MAGI1: variants seen among roughly 807,000 people sequenced by gnomAD.
The protein encoded by MAGI1 is membrane associated guanylate kinase, WW and PDZ domain containing 1, also known as membrane-associated guanylate kinase, WW and PDZ domain-containing protein 1.
MAGI1 carries 58 observed loss-of-function variants against 139.9 expected under a neutral mutation model. The observed-to-expected ratio is 0.41, with a 90% CI of 0.34 to 0.52. MAGI1 has a LOEUF of 0.52. Ranked by LOEUF, MAGI1 falls within the 20% of genes least tolerant of loss-of-function variation. The probability of loss-of-function intolerance (pLI) is 0.12; values close to 1 mark genes in which losing one functional copy is unlikely to be tolerated. For synonymous variants in MAGI1, 812 were observed against 737.9 expected (o/e 1.10, Z -1.63); for missense variants, 1,874 against 1,901.6 (o/e 0.99, Z 0.27).
intron 2 of MAGI1, among the ~76,000 whole-genome samples, chr3:65,539,381 C>T (rs72499064): frequency 6.6e-6 from 1 of 152,138 alleles, no homozygotes; most frequent in South Asian, 2.1e-4. Flanking sequence ...CAGACACATA[C>T]CAACTACCAT....
chr3:65,786,042 G>A (rs1426363836), intron 1 of MAGI1, among the ~76,000 whole-genome samples: 1 of 150,864 alleles, frequency 6.6e-6, no homozygotes, highest in Admixed American at 6.6e-5. Flanking sequence ...TGCAACCTCT[G>A]CCTCCTGGAT....
chr3:65,439,751 T>A, intron 9 of MAGI1, 128 bp downstream of exon 9: 1 of 1,541,350 alleles, frequency 6.5e-7, no homozygotes, highest in South Asian at 1.2e-5. Flanking sequence ...CCACAGGACA[T>A]CAGCTCTTCA....
chr3:65,462,628 A>C (rs1199466091), intron 5 of MAGI1, among the ~76,000 whole-genome samples: 2 of 152,190 alleles, frequency 1.3e-5, no homozygotes, highest in African/African-American at 4.8e-5. Context: ...TATGAAATTT[A>C]AAGTAGTTTT....
intron 1 of MAGI1, among the ~76,000 whole-genome samples, chr3:65,825,189 G>C (rs2042157192): frequency 1.3e-5 from 2 of 152,202 alleles, no homozygotes; most frequent in Admixed American, 6.5e-5. Flanking sequence ...ATGAAAAGAA[G>C]AGAGCTTATA....
chr3:65,725,591 G>A (rs9868099), intron 1 of MAGI1, among the ~76,000 whole-genome samples: 51,538 of 151,990 alleles, frequency 0.34, 9,874 homozygotes, highest in African/African-American at 0.5. Flanking sequence ...GTAGGCATGT[G>A]GACTCACCTT....
chr3:65,878,772 C>T (rs761585240), intron 1 of MAGI1, among the ~76,000 whole-genome samples: 1 of 152,124 alleles, frequency 6.6e-6, no homozygotes, highest in East Asian at 1.9e-4. Flanking sequence ...TAGCCCAGGG[C>T]CCTGCTCCTG....
intron 1 of MAGI1, among the ~76,000 whole-genome samples, chr3:65,752,029 ACTTCCCAGGCTCAAGC>A (rs1252383340): frequency 2.0e-5 from 3 of 152,110 alleles, no homozygotes; most frequent in Non-Finnish European, 2.9e-5. Context: ...TGCAGCCTTG[ACTTCCCAGGCTCAAGC>A]CATCATCCCG....
chr3:65,598,258 T>C (rs1296874033), intron 2 of MAGI1, among the ~76,000 whole-genome samples: 1 of 152,120 alleles, frequency 6.6e-6, no homozygotes, highest in Non-Finnish European at 1.5e-5. Context: ...CTCTCCCTGC[T>C]GGGGCGTGTC....
chr3:65,970,533 A>G (rs994195290), intron 1 of MAGI1, among the ~76,000 whole-genome samples: 1 of 152,164 alleles, frequency 6.6e-6, no homozygotes, highest in Non-Finnish European at 1.5e-5. Context: ...AAAAAAAAAA[A>G]AAAAGAATCA....
chr3:65,459,516 G>A (rs970562877), intron 5 of MAGI1, among the ~76,000 whole-genome samples: 21 of 152,162 alleles, frequency 1.4e-4, no homozygotes, highest in Middle Eastern at 6.8e-3. Flanking sequence ...TTCTTTGTAC[G>A]TTTCTCATGA....
chr3:65,461,134 A>G (rs1332172365), intron 5 of MAGI1, among the ~76,000 whole-genome samples: 16 of 152,208 alleles, frequency 1.1e-4, no homozygotes, highest in Non-Finnish European at 1.9e-4. Context: ...ACCGTCTTCC[A>G]CAATGGTTGA....
rs141220134 is a variant in MAGI1 at position 66,018,974 on chromosome 3, C to A, written c.313+19022G>T. 2.0e-4 allele frequency among the ~76,000 whole-genome samples: 30 copies of A among 152,286 alleles called. No homozygotes were observed. The East Asian group carries it at 5.4e-3, about 27-fold the overall frequency. Reference sequence around the variant, plus strand: ...CATATCCAATTGGAAGGTACCTACCCACACCAAGAAGGATGCCATCTTGAT... The same window carrying A: ...CATATCCAATTGGAAGGTACCTACCAACACCAAGAAGGATGCCATCTTGAT... On this transcript the variant is annotated intron_variant, in intron 1 of 22. Transcript: ENST00000402939.
At chr3:65,610,750 ACAG>A (rs200564692) in intron 2 of MAGI1, among the ~76,000 whole-genome samples, 4 of 29,722 alleles carry the variant, frequency 1.3e-4, no homozygotes, top group Non-Finnish European at 3.4e-4. Flanking sequence ...TAGTATATAT[ACAG>A]TATATATATA....
chr3:65,960,865 A>C (rs2064387706), intron 1 of MAGI1, among the ~76,000 whole-genome samples: 1 of 152,222 alleles, frequency 6.6e-6, no homozygotes, highest in African/African-American at 2.4e-5. Context: ...AAAAGAGTTG[A>C]AATACCCCAG....
At chr3:65,792,632 C>A (rs2047532) in intron 1 of MAGI1, among the ~76,000 whole-genome samples, 52,039 of 151,742 alleles carry the variant, frequency 0.34, 9,453 homozygotes, top group Admixed American at 0.45. Context: ...TACTGTCCCA[C>A]CTGATCTGAT....
At chr3:65,420,417 T>A (rs543072424) in intron 12 of MAGI1, among the ~76,000 whole-genome samples, 2 of 152,250 alleles carry the variant, frequency 1.3e-5, no homozygotes, top group Admixed American at 6.5e-5. Flanking sequence ...CCTGTTCACT[T>A]TACCTGCTCT....
chr3:65,694,412 TTGGAATATGCC>T (rs2107580411), intron 1 of MAGI1, among the ~76,000 whole-genome samples: 2 of 151,652 alleles, frequency 1.3e-5, no homozygotes, highest in East Asian at 3.9e-4. Flanking sequence ...ATAATGTGCT[TTGGAATATGCC>T]TGGCGGGTAG....
intron 7 of MAGI1, among the ~76,000 whole-genome samples, chr3:65,444,932 T>C (rs1039667482): frequency 6.6e-6 from 1 of 152,326 alleles, no homozygotes; most frequent in South Asian, 2.1e-4. Context: ...ATGCTTAAAA[T>C]AGAAATGGGT....
chr3:65,690,617 T>C (rs1018784266), intron 1 of MAGI1, among the ~76,000 whole-genome samples: 1 of 135,910 alleles, frequency 7.4e-6, no homozygotes, highest in Non-Finnish European at 1.5e-5. Context: ...GCTGCCACCA[T>C]GCCCGGCTCA....
Sources: allele counts gnomAD v4.1 joint callset (sites outside exome capture counted in the v4.1 genomes callset), GRCh38; gene constraint gnomAD v4.1.1; transcripts MANE v1.5; gene names NCBI Gene and HGNC (gene_info 2026-07-23, HGNC 2026-07-21).